Variants in KCNAB2 observed in about 807,000 individuals in gnomAD.
The protein encoded by KCNAB2 is voltage-gated potassium channel subunit beta-2.
KCNAB2 carries 29 observed loss-of-function variants against 63.6 expected under a neutral mutation model. The ratio of observed to expected loss-of-function variants is 0.46; its 90% CI spans 0.34 to 0.62. The LOEUF is 0.62. KCNAB2 is among the 20% of genes least tolerant of loss of function. The probability of loss-of-function intolerance (pLI) is 0.01; values close to 1 mark genes in which losing one functional copy is unlikely to be tolerated. For missense variants in KCNAB2, 359 were observed against 563.9 expected, an observed-to-expected ratio of 0.64 and a Z score of 3.68; for synonymous variants, 222 against 224.2, an observed-to-expected ratio of 0.99 and a Z score of 0.09.
chr1:6,064,697 T>A (rs1004142677), intron 2 of KCNAB2, among the ~76,000 whole-genome samples: 1 of 151,892 alleles, frequency 6.6e-6, no homozygotes, highest in Non-Finnish European at 1.5e-5. Flanking sequence ...CAAGGAGGGG[T>A]GGGCTGTGCA....
At chr1:6,094,698 C>A (rs1665476914) in intron 11 of KCNAB2, among the ~76,000 whole-genome samples, 2 of 152,222 alleles carry the variant, frequency 1.3e-5, no homozygotes, top group Non-Finnish European at 1.5e-5. Context: ...CTGTGTGGCC[C>A]TGGACAAATG....
intron 2 of KCNAB2, among the ~76,000 whole-genome samples, chr1:6,067,448 G>C (rs910597042): frequency 2.6e-5 from 4 of 152,184 alleles, no homozygotes; most frequent in Non-Finnish European, 4.4e-5. Context: ...CCTGATGCCT[G>C]AGCTGTGTGG....
intron 4 of KCNAB2, among the ~76,000 whole-genome samples, chr1:6,081,502 GTAACA>G (rs1188885559): frequency 6.6e-6 from 1 of 152,228 alleles, no homozygotes; most frequent in Non-Finnish European, 1.5e-5. Context: ...CTGTAACAAA[GTAACA>G]TAACCTGGGG....
rs186234973 is a variant in KCNAB2, at chr1:6,014,094, G to A, written c.-53+21306G>A. ...GGGGCAAAAATTACGCTGAATGAAC[G>A]CACGGGAAAGCCCTTATCCCGAGGC... On this transcript the variant is annotated intron_variant, in intron 1 of 16. Coordinates refer to the KCNAB2 transcript ENST00000341524. 1.9e-4 allele frequency among the ~76,000 whole-genome samples: 29 copies of A among 152,306 alleles called. No individual in the cohort carries two copies. The East Asian group carries it at 5.0e-3, about 26-fold the overall frequency.
intron 1 of KCNAB2, among the ~76,000 whole-genome samples, chr1:6,047,834 AC>A (rs1485353491): frequency 6.6e-6 from 1 of 151,880 alleles, no homozygotes; most frequent in Admixed American, 6.6e-5. Context: ...TCACCCCACC[AC>A]CCCATGCCAA....
chr1:6,018,120 A>C (rs1658621112), intron 1 of KCNAB2, among the ~76,000 whole-genome samples: 1 of 151,936 alleles, frequency 6.6e-6, no homozygotes, highest in African/African-American at 2.4e-5. Context: ...ATTTTGTAGA[A>C]AAGGTGTCTC....
intron 1 of KCNAB2, among the ~76,000 whole-genome samples, chr1:6,037,427 G>C (rs6662540): frequency 8.9e-4 from 136 of 152,304 alleles, no homozygotes; most frequent in African/African-American, 3.2e-3. Flanking sequence ...GGGCTCCCTG[G>C]GGACGGGCTG....
intron 5 of KCNAB2, among the ~76,000 whole-genome samples, chr1:6,083,134 C>G (rs949064377): frequency 1.3e-5 from 2 of 152,170 alleles, no homozygotes; most frequent in African/African-American, 4.8e-5. Context: ...GCCCTTTTGG[C>G]CCTCCGGATG....
At chr1:6,056,297 G>A (rs770461068) in intron 2 of KCNAB2, among the ~76,000 whole-genome samples, 25 of 151,960 alleles carry the variant, frequency 1.6e-4, no homozygotes, top group Non-Finnish European at 7.4e-5. Flanking sequence ...CACTCGCCTC[G>A]GCCTCCCAAA....
At chr1:6,058,318 C>T (rs891701440) in intron 2 of KCNAB2, among the ~76,000 whole-genome samples, 4 of 152,220 alleles carry the variant, frequency 2.6e-5, no homozygotes, top group African/African-American at 4.8e-5. Context: ...GGACACATTT[C>T]GACCTGCCAC....
At chr1:5,998,947 G>A (rs890964293) in intron 1 of KCNAB2, among the ~76,000 whole-genome samples, 2 of 152,238 alleles carry the variant, frequency 1.3e-5, no homozygotes, top group Admixed American at 1.3e-4. Context: ...GGAGAGATTT[G>A]ACCGTGAAAG....
chr1:6,090,600 G>C lies in KCNAB2; in HGVS notation c.601+125G>C, dbSNP rs532301614. The C allele has an allele frequency of 2.7e-4, 190 of 692,572 alleles. 1 individual carries two copies. The African/African-American group carries it at 3.2e-3, about 12-fold the overall frequency. The allele number at this position is 692,572 out of a possible 1,614,324, so 42.9% of individuals were successfully genotyped here. Reference sequence around the variant, plus strand: ...CCCGGGTGAGCCGTGAGAGGAGGCCGGGTCCAGGGTGGGGGGCGAGGGGGC... The same window carrying C: ...CCCGGGTGAGCCGTGAGAGGAGGCCCGGTCCAGGGTGGGGGGCGAGGGGGC... On this transcript the variant is annotated intron_variant, in intron 9 of 15. Coordinates refer to ENST00000378083, the MANE Select transcript of KCNAB2 (RefSeq NM_001199862.2).
At chr1:6,004,979 G>GA (rs1657491226) in intron 1 of KCNAB2, among the ~76,000 whole-genome samples, 1 of 128,432 alleles carries the variant, frequency 7.8e-6, no homozygotes, top group Non-Finnish European at 1.8e-5. Flanking sequence ...GAGGGATGAG[G>GA]GTGCAGGCAG....
At chr1:6,067,996 A>C (rs904218693) in intron 2 of KCNAB2, among the ~76,000 whole-genome samples, 1 of 152,198 alleles carries the variant, frequency 6.6e-6, no homozygotes, top group South Asian at 2.1e-4. Context: ...ACGCCACAGC[A>C]CTCCAGCCTG....
chr1:6,004,205 T>C (rs981891795), intron 1 of KCNAB2, among the ~76,000 whole-genome samples: 13 of 150,798 alleles, frequency 8.6e-5, no homozygotes, highest in Admixed American at 1.3e-4. Context: ...CTGCTTCTCA[T>C]AGAACCTGCT....
upstream of KCNAB2, among the ~76,000 whole-genome samples, chr1:6,030,861 T>A (rs1159645578): frequency 6.7e-6 from 1 of 148,298 alleles, no homozygotes; most frequent in Non-Finnish European, 1.5e-5. Flanking sequence ...TGTGTGTATG[T>A]ATGTGTAGGT....
intron 1 of KCNAB2, among the ~76,000 whole-genome samples, chr1:6,014,174 A>T (rs1313658542): frequency 6.6e-6 from 1 of 152,234 alleles, no homozygotes; most frequent in Non-Finnish European, 1.5e-5. Context: ...CCCACACATT[A>T]ATACAGCCCA....
chr1:6,059,784 G>A (rs1435613116), intron 2 of KCNAB2, among the ~76,000 whole-genome samples: 3 of 152,166 alleles, frequency 2.0e-5, no homozygotes, highest in Non-Finnish European at 2.9e-5. Context: ...AGAGTTGGAA[G>A]TGAGTGGGGC....
intron 1 of KCNAB2, among the ~76,000 whole-genome samples, chr1:6,023,546 A>G (rs1289172258): frequency 6.6e-6 from 1 of 152,160 alleles, no homozygotes; most frequent in Non-Finnish European, 1.5e-5. Context: ...CCTAATGGTT[A>G]CTGACGTTGA....
Sources: allele counts gnomAD v4.1 joint callset (sites outside exome capture counted in the v4.1 genomes callset), GRCh38; gene constraint gnomAD v4.1.1; transcripts MANE v1.5; gene names NCBI Gene and HGNC (gene_info 2026-07-23, HGNC 2026-07-21).